SLX4IP: variants seen among roughly 807,000 people sequenced by gnomAD.
SLX4IP encodes SLX4 interacting protein.
SLX4IP carries 34 observed loss-of-function variants against 32.9 expected under a neutral mutation model. The ratio of observed to expected loss-of-function variants is 1.03; its 90% CI spans 0.79 to 1.38. The LOEUF (loss-of-function observed/expected upper bound fraction) is 1.38. Ranked by LOEUF, SLX4IP falls within the 40% of genes most tolerant of loss-of-function variation. The probability of loss-of-function intolerance (pLI) is 0.00; values close to 1 mark genes in which losing one functional copy is unlikely to be tolerated. For synonymous variants in SLX4IP, 172 were observed against 171.7 expected, an observed-to-expected ratio of 1.00 and a Z score of -0.01; for missense variants, 444 against 479.0, an observed-to-expected ratio of 0.93 and a Z score of 0.68.
intron 2 of SLX4IP, among the ~76,000 whole-genome samples, chr20:10,481,228 A>G (rs973012992): frequency 1.3e-5 from 2 of 152,178 alleles, no homozygotes; most frequent in Non-Finnish European, 2.9e-5. Flanking sequence ...GGTGATGTCT[A>G]AGTTTTACTG....
chr20:10,450,314 A>G (rs2065231411), intron 1 of SLX4IP, among the ~76,000 whole-genome samples: 1 of 152,222 alleles, frequency 6.6e-6, no homozygotes, highest in South Asian at 2.1e-4. Flanking sequence ...CTTAATTCTT[A>G]GCAAGATTAT....
intron 2 of SLX4IP, among the ~76,000 whole-genome samples, chr20:10,480,841 A>T (rs1396822588): frequency 1.3e-5 from 2 of 152,178 alleles, no homozygotes; most frequent in Non-Finnish European, 2.9e-5. Flanking sequence ...TATTTGAATG[A>T]TGCTTTAGCT....
At chr20:10,566,780 C>T (rs973294621) in intron 4 of SLX4IP, among the ~76,000 whole-genome samples, 4 of 152,100 alleles carry the variant, frequency 2.6e-5, no homozygotes, top group Admixed American at 2.6e-4. Flanking sequence ...ATTTTGTTTC[C>T]TGTAAAATGA....
At chr20:10,610,443 G>T (rs2066952853) in intron 6 of SLX4IP, among the ~76,000 whole-genome samples, 1 of 152,236 alleles carries the variant, frequency 6.6e-6, no homozygotes, top group Non-Finnish European at 1.5e-5. Context: ...GCAGAGAAGT[G>T]AAGTCCTCAG....
intron 1 of SLX4IP, among the ~76,000 whole-genome samples, chr20:10,454,897 C>G (rs1350466501): frequency 2.0e-5 from 3 of 152,136 alleles, no homozygotes; most frequent in African/African-American, 7.2e-5. Context: ...CACATCCTTG[C>G]CAACATCTGT....
chr20:10,517,085 G>A (rs2065857266), intron 2 of SLX4IP, among the ~76,000 whole-genome samples: 1 of 152,190 alleles, frequency 6.6e-6, no homozygotes, highest in South Asian at 2.1e-4. Context: ...ACATTGTCAA[G>A]CCCTTGCATA....
intron 4 of SLX4IP, among the ~76,000 whole-genome samples, chr20:10,562,787 C>T (rs148326418): frequency 0.012 from 1,765 of 152,288 alleles, 16 homozygotes; most frequent in Non-Finnish European, 0.017. Context: ...TGTATACATA[C>T]AGCACGTTTT....
intron 4 of SLX4IP, among the ~76,000 whole-genome samples, chr20:10,590,547 G>A (rs1476662227): frequency 6.6e-6 from 1 of 151,960 alleles, no homozygotes; most frequent in Non-Finnish European, 1.5e-5. Context: ...TTTTAGTAGA[G>A]ATGGGGTTTC....
Position 10,623,018 on chromosome 20 carries a change from T to C in SLX4IP, c.866T>C (p.Val289Ala), listed in dbSNP as rs1440921431. 58 of 1,613,820 alleles carry C rather than the reference T, an allele frequency of 3.6e-5. No individual in the cohort carries two copies. The Admixed American group carries it at 4.8e-4, about 13-fold the overall frequency. ...CCATGTCCAAAACAAAGTCCACGAG[T>C]GGCCAAAACCCAACAGAAACGCAGG... Reference protein sequence around the residue: ...ASPCPKQSPRVAKTQQKRRNC... With the variant: ...ASPCPKQSPRAAKTQQKRRNC... Residue 289 changes from valine (V) to alanine (A), a missense_variant, in exon 8 of 8, where the codon GTG becomes GCG. By Grantham distance (64) the Val-to-Ala change is moderately conservative. Coordinates refer to ENST00000334534, the MANE Select transcript of SLX4IP (RefSeq NM_001009608.3).
chr20:10,544,052 T>G (rs900551783), intron 2 of SLX4IP, among the ~76,000 whole-genome samples: 1 of 152,192 alleles, frequency 6.6e-6, no homozygotes, highest in African/African-American at 2.4e-5. Context: ...CAGGTAACTC[T>G]TGTGCTCCTC....
chr20:10,618,952 G>A lies in SLX4IP; in HGVS notation c.406-2362G>A, dbSNP rs369348584. ...GGGGCTTGGGGGTTGGGGGGGCGGG[G>A]GAGGGGAGCAGCACCAGAGGCTCTG... On this transcript the variant is annotated intron_variant, in intron 6 of 7. Coordinates refer to ENST00000334534, the MANE Select transcript of SLX4IP (RefSeq NM_001009608.3). 1.8e-3 allele frequency among the ~76,000 whole-genome samples: 255 copies of A among 145,040 alleles called. 1 individual carries two copies. Among genetic ancestry groups the A allele is most frequent in the African/African-American group, 5.5e-3 (223 of 40,238 alleles).
chr20:10,584,421 C>T (rs962598929), intron 4 of SLX4IP, among the ~76,000 whole-genome samples: 1 of 152,196 alleles, frequency 6.6e-6, no homozygotes, highest in East Asian at 1.9e-4. Flanking sequence ...ACAGAACTTA[C>T]ATTTTGTTTT....
chr20:10,538,667 A>C lies in SLX4IP; in HGVS notation c.28-17564A>C, dbSNP rs373897719. Among the ~76,000 whole-genome samples the C allele has an allele frequency of 4.6e-5, 7 of 152,124 alleles. No individual in the cohort carries two copies. The East Asian group carries it at 7.7e-4, about 17-fold the overall frequency. On this transcript the variant is annotated intron_variant, in intron 2 of 7. Transcript: ENST00000334534. ...CAGGCTCCTGAGTAGCTGGGACTAC[A>C]TGTGCATGTCACCATGCCCTGCTAA...
At chr20:10,481,294 C>T (rs1263885213) in intron 2 of SLX4IP, among the ~76,000 whole-genome samples, 1 of 152,126 alleles carries the variant, frequency 6.6e-6, no homozygotes, top group East Asian at 1.9e-4. Flanking sequence ...ATGTTTATAG[C>T]ATCACTATTC....
chr20:10,465,117 G>A (rs1002039051), intron 2 of SLX4IP, among the ~76,000 whole-genome samples: 1 of 152,222 alleles, frequency 6.6e-6, no homozygotes, highest in Non-Finnish European at 1.5e-5. Flanking sequence ...CTGTACTTCA[G>A]TGAGTGACTC....
In SLX4IP at chr20:10,489,898, G is replaced by A. The variant is rs548589596; in HGVS notation, c.27+31667G>A. On this transcript the variant is annotated intron_variant, in intron 2 of 7. Transcript: ENST00000334534. Reference sequence around the variant, plus strand: ...AATTACCGAGTTATCTTCTGAAGGTGTTTTAACACATGCAAATGTTTAAAT... The same window carrying A: ...AATTACCGAGTTATCTTCTGAAGGTATTTTAACACATGCAAATGTTTAAAT... Among the ~76,000 whole-genome samples, 3 of 152,330 alleles carry A rather than the reference G, an allele frequency of 2.0e-5. No individual in the cohort carries two copies. The South Asian group carries it at 6.2e-4, about 32-fold the overall frequency.
chr20:10,443,218 TA>T (rs202034677), intron 1 of SLX4IP, among the ~76,000 whole-genome samples: 2 of 150,302 alleles, frequency 1.3e-5, no homozygotes, highest in South Asian at 2.1e-4. Context: ...GGTATAAATC[TA>T]AAAAAAAACA....
intron 4 of SLX4IP, among the ~76,000 whole-genome samples, chr20:10,587,706 CCAAATATTCTT>C (rs1252366219): frequency 3.9e-5 from 6 of 152,106 alleles, no homozygotes; most frequent in African/African-American, 1.4e-4. Flanking sequence ...GTGTATATGG[CCAAATATTCTT>C]TGACAAGAGC....
At chr20:10,439,626 A>G (rs781256596) in intron 1 of SLX4IP, among the ~76,000 whole-genome samples, 1 of 152,258 alleles carries the variant, frequency 6.6e-6, no homozygotes, top group African/African-American at 2.4e-5. Context: ...GCTGTTATGT[A>G]GTTTATGAAT....
Sources: allele counts gnomAD v4.1 joint callset (sites outside exome capture counted in the v4.1 genomes callset), GRCh38; gene constraint gnomAD v4.1.1; transcripts MANE v1.5; gene names NCBI Gene and HGNC (gene_info 2026-07-23, HGNC 2026-07-21).